Variants in ARHGAP15 observed in about 807,000 individuals in gnomAD.
ARHGAP15 encodes Rho GTPase activating protein 15, also known as rho GTPase-activating protein 15.
A neutral mutation model predicts 63.7 loss-of-function variants in ARHGAP15; 51 were observed. The ratio of observed to expected loss-of-function variants is 0.80; its 90% CI spans 0.64 to 1.01. The LOEUF (loss-of-function observed/expected upper bound fraction) is 1.01, where lower values mean the gene tolerates loss of function less well. ARHGAP15 is among the 50% of genes least tolerant of loss of function. The pLI is 0.00. For missense variants in ARHGAP15, 560 were observed against 564.6 expected (o/e 0.99, Z 0.08); for synonymous variants, 191 against 193.8 (o/e 0.99, Z 0.12).
At position 143,543,196 on chromosome 2, in the gene ARHGAP15, G is replaced by T. The variant is rs1695179970; in HGVS notation, c.926-13212G>T. ...AGGGTTTCCTTTTCTTCACATCCTT[G>T]CCAACACTTGTTATCTTTTGTCTTT... On this transcript the variant is annotated intron_variant, in intron 10 of 13. Transcript: ENST00000295095. Among the ~76,000 whole-genome samples, 5 of 151,616 alleles carry T rather than the reference G, an allele frequency of 3.3e-5. No individual in the cohort carries two copies. The South Asian group carries it at 8.3e-4, about 25-fold the overall frequency.
At chr2:143,541,485 G>GA (rs1695050513) in intron 10 of ARHGAP15, among the ~76,000 whole-genome samples, 1 of 152,176 alleles carries the variant, frequency 6.6e-6, no homozygotes. Context: ...TTTCAGCTCT[G>GA]TTTTTTCCCC....
At chr2:143,359,646 G>A (rs1310905624) in intron 6 of ARHGAP15, among the ~76,000 whole-genome samples, 31 of 152,154 alleles carry the variant, frequency 2.0e-4, no homozygotes. Context: ...TGCCTTGATA[G>A]GAGATATGTG....
At chr2:143,398,324 A>C (rs985661925) in intron 6 of ARHGAP15, among the ~76,000 whole-genome samples, 2 of 152,114 alleles carry the variant, frequency 1.3e-5, no homozygotes, top group African/African-American at 4.8e-5. Context: ...TCAGCAGCCC[A>C]GCTGGGGTTT....
In ARHGAP15 at chr2:143,314,149, G is replaced by A. The variant is rs919754008; in HGVS notation, c.474+63549G>A. Among the ~76,000 whole-genome samples the A allele has an allele frequency of 2.0e-5, 3 of 152,150 alleles. No homozygotes were observed. The East Asian group carries it at 5.8e-4, about 29-fold the overall frequency. On this transcript the variant is annotated intron_variant, in intron 6 of 13. Coordinates refer to ENST00000295095, the MANE Select transcript of ARHGAP15 (RefSeq NM_018460.4). ...GAAGATAAAATCCTGTTTCATCCAA[G>A]TTTGGTTCCCTCCTACACCCACACC...
intron 6 of ARHGAP15, among the ~76,000 whole-genome samples, chr2:143,369,226 A>T (rs1686434381): frequency 6.6e-6 from 1 of 152,100 alleles, no homozygotes; most frequent in South Asian, 2.1e-4. Flanking sequence ...CATTTCCATA[A>T]TCTAATTCAG....
intron 11 of ARHGAP15, among the ~76,000 whole-genome samples, chr2:143,611,791 C>T (rs1698264323): frequency 6.6e-6 from 1 of 152,202 alleles, no homozygotes; most frequent in African/African-American, 2.4e-5. Flanking sequence ...ATCCTAGCTA[C>T]TCTTTCTCAA....
chr2:143,150,275 C>A (rs1311356050), intron 1 of ARHGAP15, among the ~76,000 whole-genome samples: 1 of 151,938 alleles, frequency 6.6e-6, no homozygotes, highest in Non-Finnish European at 1.5e-5. Context: ...CTCAAAAGGG[C>A]AGGCTGCTGA....
chr2:143,562,500 G>A (rs913902492), intron 11 of ARHGAP15, among the ~76,000 whole-genome samples: 13 of 152,134 alleles, frequency 8.5e-5, no homozygotes, highest in African/African-American at 2.9e-4. Flanking sequence ...CAGCAACAAC[G>A]AAACAAACTC....
chr2:143,207,376 A>G (rs1692372498), intron 3 of ARHGAP15, among the ~76,000 whole-genome samples: 1 of 152,050 alleles, frequency 6.6e-6, no homozygotes, highest in African/African-American at 2.4e-5. Context: ...AGCAAAAACA[A>G]TAATTTTTAA....
chr2:143,268,808 T>C (rs1472693836), intron 6 of ARHGAP15, among the ~76,000 whole-genome samples: 1 of 152,048 alleles, frequency 6.6e-6, no homozygotes. Flanking sequence ...AATATTCAAA[T>C]TAAGAGTAAG....
chr2:143,360,384 C>A (rs80240543), intron 6 of ARHGAP15, among the ~76,000 whole-genome samples: 2,939 of 150,978 alleles, frequency 0.019, 56 homozygotes, highest in South Asian at 0.099. Context: ...GACCTCATCT[C>A]AAAAATAAAA....
intron 6 of ARHGAP15, among the ~76,000 whole-genome samples, chr2:143,335,776 G>GAGT (rs1684746283): frequency 6.6e-6 from 1 of 152,040 alleles, no homozygotes; most frequent in Non-Finnish European, 1.5e-5. Flanking sequence ...GTAGGAGTCT[G>GAGT]AGTAAATTAC....
intron 11 of ARHGAP15, among the ~76,000 whole-genome samples, chr2:143,575,358 G>T (rs1450917158): frequency 1.3e-5 from 2 of 152,136 alleles, no homozygotes; most frequent in Non-Finnish European, 2.9e-5. Flanking sequence ...GCTGAGACTG[G>T]TGCAATAATG....
intron 9 of ARHGAP15, among the ~76,000 whole-genome samples, chr2:143,505,255 C>G (rs1693257367): frequency 6.6e-6 from 1 of 152,192 alleles, no homozygotes; most frequent in South Asian, 2.1e-4. Flanking sequence ...TACTCCATTC[C>G]TTCTCTAAGT....
At chr2:143,379,797 A>AT (rs1686985512) in intron 6 of ARHGAP15, among the ~76,000 whole-genome samples, 1 of 151,892 alleles carries the variant, frequency 6.6e-6, no homozygotes. Context: ...AATAATGACT[A>AT]TTTTTTTCAA....
chr2:143,543,418 G>T (rs1336995976), intron 10 of ARHGAP15, among the ~76,000 whole-genome samples: 1 of 151,980 alleles, frequency 6.6e-6, no homozygotes, highest in South Asian at 2.1e-4. Flanking sequence ...GTTTGGTATT[G>T]AGTTGTTTGA....
At chr2:143,529,866 C>T (rs555223691) in intron 10 of ARHGAP15, among the ~76,000 whole-genome samples, 4 of 152,244 alleles carry the variant, frequency 2.6e-5, no homozygotes, top group African/African-American at 9.6e-5. Context: ...TAATAGAGCC[C>T]TTATTGCCTG....
At position 143,263,942 on chromosome 2, in the gene ARHGAP15, T is replaced by TG. The variant is rs1046632898; in HGVS notation, c.474+13342_474+13343insG. Among the ~76,000 whole-genome samples, 9 of 126,858 alleles carry TG rather than the reference T, an allele frequency of 7.1e-5. 1 individual carries two copies. Among genetic ancestry groups the TG allele is most frequent in the Non-Finnish European group, 1.3e-4 (8 of 60,754 alleles). 83.2% of individuals were successfully genotyped at this position (126,858 alleles called of 152,430 possible). ...TTTTTTTTTTTTTTTTTTTTTTTTT[T>TG]TGTGCTCACCAACATACTGAGCTAA... is the stretch of plus-strand genomic sequence containing the variant. On this transcript the variant is annotated intron_variant, in intron 6 of 13. Transcript: ENST00000295095.
chr2:143,401,722 C>T (rs1309572744), intron 6 of ARHGAP15, among the ~76,000 whole-genome samples: 1 of 151,694 alleles, frequency 6.6e-6, no homozygotes, highest in Non-Finnish European at 1.5e-5. Flanking sequence ...TTATACCATC[C>T]TCGTTTTAAA....
Sources: allele counts gnomAD v4.1 joint callset (sites outside exome capture counted in the v4.1 genomes callset), GRCh38; gene constraint gnomAD v4.1.1; transcripts MANE v1.5; gene names NCBI Gene and HGNC (gene_info 2026-07-23, HGNC 2026-07-21).